PCDHA2: variants seen among roughly 807,000 people sequenced by gnomAD.
PCDHA2 encodes the protein protocadherin alpha 2, also known as protocadherin alpha-2.
PCDHA2 carries 58 observed loss-of-function variants against 66.0 expected under a neutral mutation model. The observed-to-expected ratio is 0.88, with a 90% CI of 0.71 to 1.09. The LOEUF (loss-of-function observed/expected upper bound fraction) is 1.09, where lower values mean the gene tolerates loss of function less well. Ranked by LOEUF, PCDHA2 falls within the 50% of genes least tolerant of loss-of-function variation. The pLI is 0.00. For synonymous variants in PCDHA2, 634 were observed against 554.0 expected (o/e 1.14, Z -2.03); for missense variants, 1,267 against 1,242.3 (o/e 1.02, Z -0.30).
At chr5:140,921,695 A>G (rs1190217757) in intron 1 of PCDHA2, among the ~76,000 whole-genome samples, 1 of 152,216 alleles carries the variant, frequency 6.6e-6, no homozygotes, top group Admixed American at 6.5e-5. Context: ...GGCCACCTCA[A>G]TTTTAAACAG....
chr5:140,849,491 T>C (rs1554142975), intron 1 of PCDHA2: 1 of 1,592,292 alleles, frequency 6.3e-7, no homozygotes, highest in African/African-American at 1.4e-5. Context: ...CCCTGGCTGG[T>C]CATTGTACAC....
intron 1 of PCDHA2, chr5:140,808,437 G>T (rs781860086): frequency 1.2e-6 from 2 of 1,614,178 alleles, no homozygotes; most frequent in Non-Finnish European, 8.5e-7. Context: ...GACCGCGAGA[G>T]CGTGTCAGCC....
At position 140,796,373 on chromosome 5, in the gene PCDHA2, C is replaced by T; in HGVS notation, c.1409C>T (p.Pro470Leu). 5 of 1,613,160 alleles carry T rather than the reference C, an allele frequency of 3.1e-6. No homozygotes were observed. The highest frequency in any genetic ancestry group is 4.2e-6 in the Non-Finnish European group (5 of 1,179,796). The change falls in exon 1 of 4, where the codon CCG (proline) becomes CTG (leucine). Residue 470 changes from proline (P) to leucine (L), a missense_variant. By Grantham distance (98) the Pro-to-Leu change is moderately conservative. Transcript: ENST00000526136. ...YTVFVKENNP[P>L]GCHIFTVSAW... ...GTATTCGTGAAGGAGAACAACCCGC[C>T]GGGCTGCCACATCTTCACGGTGTCA...
At chr5:140,846,948 CA>C (rs1554141582) in intron 1 of PCDHA2, among the ~76,000 whole-genome samples, 1 of 149,468 alleles carries the variant, frequency 6.7e-6, no homozygotes, top group East Asian at 1.9e-4. Flanking sequence ...CTTGAAGGGG[CA>C]TGGTGTGTTT....
intron 3 of PCDHA2, among the ~76,000 whole-genome samples, chr5:141,005,531 G>A (rs1441846175): frequency 1.3e-5 from 2 of 151,072 alleles, no homozygotes; most frequent in African/African-American, 4.9e-5. Context: ...GTGAAACCCC[G>A]TCTCTACTAA....
At chr5:140,952,125 AG>A (rs1234128402) in intron 1 of PCDHA2, among the ~76,000 whole-genome samples, 1 of 152,092 alleles carries the variant, frequency 6.6e-6, no homozygotes, top group Non-Finnish European at 1.5e-5. Context: ...TGGGCTCCCA[AG>A]GCCTTGGGAA....
At chr5:140,822,645 C>A in intron 1 of PCDHA2, 1 of 1,610,004 alleles carries the variant, frequency 6.2e-7, no homozygotes, top group Non-Finnish European at 8.5e-7. Flanking sequence ...ATGTAAAGTC[C>A]AAATTTATAA....
chr5:140,890,439 A>G (rs114755692), intron 1 of PCDHA2, among the ~76,000 whole-genome samples: 1 of 152,210 alleles, frequency 6.6e-6, no homozygotes, highest in Non-Finnish European at 1.5e-5. Context: ...TACAATACCT[A>G]GTGATATCTT....
intron 1 of PCDHA2, chr5:140,859,810 TGC>T (rs2046025948): frequency 6.6e-6 from 1 of 152,488 alleles, no homozygotes. Context: ...GCTAAGTTAA[TGC>T]AGAGTTTAGA....
chr5:141,008,678 G>C (rs1463545809), intron 3 of PCDHA2, among the ~76,000 whole-genome samples: 1 of 152,112 alleles, frequency 6.6e-6, no homozygotes, highest in Non-Finnish European at 1.5e-5. Flanking sequence ...ATATACTTTA[G>C]TTATTGCATG....
At chr5:140,861,412 C>T (rs371672031) in intron 1 of PCDHA2, 62 of 474,038 alleles carry the variant, frequency 1.3e-4, no homozygotes, top group African/African-American at 1.1e-3. Flanking sequence ...GAGCTGATAC[C>T]GCGCCTGTTT....
Position 140,843,013 on chromosome 5 carries a change from A to G in PCDHA2, c.2388+45661A>G, listed in dbSNP as rs2150350146. On this transcript the variant is annotated intron_variant, in intron 1 of 3. Coordinates refer to ENST00000526136, the MANE Select transcript of PCDHA2 (RefSeq NM_018905.3). The stretch of plus-strand genomic sequence containing the variant: ...TGGACGAGAATGACAACGCGCCGGC[A>G]CTGCTGGAGCCTCGGGTGGGTGGCA... 14 of 1,595,012 alleles carry G rather than the reference A, an allele frequency of 8.8e-6. 1 individual carries two copies. Among genetic ancestry groups the G allele is most frequent in the East Asian group, 2.2e-5 (1 of 44,830 alleles).
At chr5:140,991,472 C>G (rs1480480128) in intron 3 of PCDHA2, among the ~76,000 whole-genome samples, 1 of 152,172 alleles carries the variant, frequency 6.6e-6, no homozygotes, top group African/African-American at 2.4e-5. Context: ...TCTTACAGTT[C>G]TGGAAGTCAG....
chr5:140,953,110 G>A (rs1384996852), intron 1 of PCDHA2, among the ~76,000 whole-genome samples: 2 of 152,074 alleles, frequency 1.3e-5, no homozygotes, highest in Non-Finnish European at 2.9e-5. Flanking sequence ...ATTTGGGCAG[G>A]GACACAGATC....
intron 1 of PCDHA2, chr5:140,807,765 G>A (rs1764028665): frequency 1.2e-6 from 2 of 1,614,160 alleles, no homozygotes; most frequent in Non-Finnish European, 1.7e-6. Flanking sequence ...AAAGGTCTTG[G>A]GCTTATATTA....
chr5:140,979,573 G>T lies in PCDHA2; in HGVS notation c.2447+566G>T, dbSNP rs558232107. Among the ~76,000 whole-genome samples, 224 of 152,236 alleles carry T rather than the reference G, an allele frequency of 1.5e-3. 1 individual carries two copies. Among genetic ancestry groups the T allele is most frequent in the African/African-American group, 5.2e-3 (215 of 41,538 alleles). On this transcript the variant is annotated intron_variant, in intron 2 of 3. Transcript: ENST00000526136. ...CTTCAGAAGATGAGCCATGTAAAGG[G>T]CTCCAAATCTAGCTTACTTTAAATT...
chr5:140,956,243 C>T (rs2095270530), intron 1 of PCDHA2, among the ~76,000 whole-genome samples: 1 of 152,142 alleles, frequency 6.6e-6, no homozygotes, highest in African/African-American at 2.4e-5. Flanking sequence ...AAGGGGAATG[C>T]TTCCAGGTTT....
intron 1 of PCDHA2, chr5:140,801,844 A>G: frequency 6.2e-7 from 1 of 1,614,088 alleles, no homozygotes; most frequent in South Asian, 1.1e-5. Flanking sequence ...ACAGCAATTG[A>G]TGGTGGGAAA....
At chr5:140,906,993 C>T (rs1361320380) in intron 1 of PCDHA2, among the ~76,000 whole-genome samples, 1 of 152,146 alleles carries the variant, frequency 6.6e-6, no homozygotes, top group African/African-American at 2.4e-5. Flanking sequence ...CAGCATTCCT[C>T]CCTCTGGAAC....
Sources: gnomAD v4.1 joint callset for allele counts (sites outside exome capture counted in the v4.1 genomes callset) on GRCh38, gnomAD v4.1.1 for gene constraint, MANE v1.5 for transcripts, NCBI Gene and HGNC (gene_info 2026-07-23, HGNC 2026-07-21) for gene names.